The following KCNIP1 variants were observed in gnomAD, a reference collection of about 807,000 sequenced individuals.
KCNIP1 encodes the protein A-type potassium channel modulatory protein KCNIP1.
KCNIP1 carries 18 observed loss-of-function variants against 33.0 expected under a neutral mutation model. The observed-to-expected ratio is 0.55, with a 90% CI of 0.38 to 0.81. The LOEUF is 0.81. KCNIP1 is among the 30% of genes least tolerant of loss of function. The probability of loss-of-function intolerance (pLI) is 0.00; values close to 1 mark genes in which losing one functional copy is unlikely to be tolerated. For missense variants in KCNIP1, 238 were observed against 271.6 expected, an observed-to-expected ratio of 0.88 and a Z score of 0.87; for synonymous variants, 93 against 98.3, an observed-to-expected ratio of 0.95 and a Z score of 0.32.
At chr5:170,578,027 G>A (rs191653218) in intron 1 of KCNIP1, among the ~76,000 whole-genome samples, 50 of 152,302 alleles carry the variant, frequency 3.3e-4, no homozygotes, top group African/African-American at 1.1e-3. Flanking sequence ...ATTGCTAGAC[G>A]TGGAATTACT....
intron 1 of KCNIP1, among the ~76,000 whole-genome samples, chr5:170,622,503 T>A (rs1759641593): frequency 6.6e-6 from 1 of 150,836 alleles, no homozygotes; most frequent in Admixed American, 6.6e-5. Flanking sequence ...GCACCCATAA[T>A]CCCAGCTACT....
At chr5:170,604,820 C>G (rs561430407) in intron 1 of KCNIP1, among the ~76,000 whole-genome samples, 9 of 152,322 alleles carry the variant, frequency 5.9e-5, no homozygotes, top group Non-Finnish European at 1.3e-4. Flanking sequence ...TTCAGCCCCC[C>G]CAGGAGAGGA....
intron 1 of KCNIP1, chr5:170,681,510 G>A: frequency 5.3e-6 from 1 of 188,382 alleles, no homozygotes; most frequent in Non-Finnish European, 1.1e-5. Context: ...GAAGCTGTCT[G>A]GTAACTACGT....
intron 1 of KCNIP1, among the ~76,000 whole-genome samples, chr5:170,395,868 T>A (rs1002731052): frequency 2.0e-5 from 3 of 152,206 alleles, no homozygotes; most frequent in African/African-American, 7.2e-5. Flanking sequence ...CCCTGACAGA[T>A]AATGGCCATC....
chr5:170,635,116 G>A (rs926585545), intron 1 of KCNIP1, among the ~76,000 whole-genome samples: 11 of 152,160 alleles, frequency 7.2e-5, no homozygotes, highest in Admixed American at 1.3e-4. Flanking sequence ...CGCAATCTCC[G>A]CCTTCCGGGC....
At chr5:170,576,675 G>A (rs1757616120) in intron 1 of KCNIP1, among the ~76,000 whole-genome samples, 1 of 152,116 alleles carries the variant, frequency 6.6e-6, no homozygotes, top group Non-Finnish European at 1.5e-5. Flanking sequence ...GGACAAATGA[G>A]TATTACAAAT....
chr5:170,382,128 C>T (rs553991623), intron 1 of KCNIP1, among the ~76,000 whole-genome samples: 27 of 152,284 alleles, frequency 1.8e-4, no homozygotes, highest in African/African-American at 5.8e-4. Context: ...GTGCTTGCTG[C>T]GGCCTTGGCT....
chr5:170,407,270 C>T (rs1342584487), intron 1 of KCNIP1, among the ~76,000 whole-genome samples: 4 of 152,182 alleles, frequency 2.6e-5, no homozygotes, highest in South Asian at 4.1e-4. Flanking sequence ...CATCATGTTG[C>T]GTAACAAGAA....
chr5:170,434,796 A>C (rs1755823084), intron 1 of KCNIP1, among the ~76,000 whole-genome samples: 1 of 152,160 alleles, frequency 6.6e-6, no homozygotes, highest in Non-Finnish European at 1.5e-5. Context: ...CTCTACTTAA[A>C]ATACAAAAAT....
At chr5:170,357,131 T>TA (rs1763369182) in intron 1 of KCNIP1, among the ~76,000 whole-genome samples, 1 of 140,972 alleles carries the variant, frequency 7.1e-6, no homozygotes, top group African/African-American at 2.7e-5. Flanking sequence ...CTCTTTGGCA[T>TA]TAAAAAAAAA....
At chr5:170,465,272 C>T (rs1374055332) in intron 1 of KCNIP1, among the ~76,000 whole-genome samples, 1 of 152,198 alleles carries the variant, frequency 6.6e-6, no homozygotes, top group Non-Finnish European at 1.5e-5. Context: ...AGAATGTGAA[C>T]ATGATTCTGC....
upstream of KCNIP1, among the ~76,000 whole-genome samples, chr5:170,499,272 G>A (rs146764651): frequency 7.2e-5 from 11 of 152,296 alleles, no homozygotes; most frequent in East Asian, 7.7e-4. Flanking sequence ...GATGGGAGCC[G>A]AGGGAAATGC....
chr5:170,727,214 C>A (rs1447398919), intron 5 of KCNIP1, among the ~76,000 whole-genome samples: 1 of 152,220 alleles, frequency 6.6e-6, no homozygotes, highest in African/African-American at 2.4e-5. Context: ...TGAGTTTACA[C>A]TGTTTTACTC....
In KCNIP1 at chr5:170,681,947, T is replaced by C. The variant is rs1457570566; in HGVS notation, c.62-36811T>C. On this transcript the variant is annotated intron_variant, in intron 1 of 7. Transcript: ENST00000328939. ...GAAAGATTCCAAATTTCATGAGCAA[T>C]TGGGCTCATAAAACAAGATCAAACT... Among the ~76,000 whole-genome samples the C allele has an allele frequency of 3.9e-5, 6 of 152,244 alleles. 1 individual carries two copies. The highest frequency in any genetic ancestry group is 3.8e-4 in the East Asian group (2 of 5,200).
intron 1 of KCNIP1, among the ~76,000 whole-genome samples, chr5:170,458,530 T>C (rs538720174): frequency 2.6e-5 from 4 of 152,344 alleles, no homozygotes; most frequent in South Asian, 2.1e-4. Context: ...TAGAAGGGAT[T>C]GGGGCCCTAT....
intron 1 of KCNIP1, among the ~76,000 whole-genome samples, chr5:170,648,973 AC>A (rs1760901784): frequency 6.6e-6 from 1 of 152,222 alleles, no homozygotes; most frequent in Non-Finnish European, 1.5e-5. Context: ...CAACTTCATA[AC>A]CAGTAGATTG....
chr5:170,439,823 T>C (rs1755947846), intron 1 of KCNIP1, among the ~76,000 whole-genome samples: 1 of 152,218 alleles, frequency 6.6e-6, no homozygotes, highest in Non-Finnish European at 1.5e-5. Context: ...TGGGGCAGTC[T>C]GCTGAGAAGA....
At chr5:170,681,460 G>A (rs1308081110) in intron 1 of KCNIP1, 1 of 255,044 alleles carries the variant, frequency 3.9e-6, no homozygotes, top group South Asian at 1.7e-4. Context: ...TGGATTATTA[G>A]CTATGGGTGA....
intron 1 of KCNIP1, among the ~76,000 whole-genome samples, chr5:170,367,421 G>GTAA (rs1554086776): frequency 1.3e-5 from 1 of 74,664 alleles, no homozygotes. Flanking sequence ...AAGAAAGAAA[G>GTAA]GAAAGAAAGA....
Sources: gnomAD v4.1 joint callset for allele counts (sites outside exome capture counted in the v4.1 genomes callset) on GRCh38, gnomAD v4.1.1 for gene constraint, MANE v1.5 for transcripts, NCBI Gene and HGNC (gene_info 2026-07-23, HGNC 2026-07-21) for gene names.